The following COL4A6 variants were observed in gnomAD, a reference collection of about 807,000 sequenced individuals.
COL4A6 encodes the protein collagen alpha-6(IV) chain.
A neutral mutation model predicts 126.7 loss-of-function variants in COL4A6; 59 were observed. The ratio of observed to expected loss-of-function variants is 0.47; its 90% CI spans 0.38 to 0.58. COL4A6 has a LOEUF of 0.58. COL4A6 is among the 20% of genes least tolerant of loss of function. The pLI, the probability that COL4A6 is intolerant of heterozygous loss-of-function variation, is 0.00. For missense variants in COL4A6, 1,285 were observed against 1,337.3 expected (o/e 0.96, Z 0.61); for synonymous variants, 547 against 496.6 (o/e 1.10, Z -1.35).
rs1454475643 is a variant in COL4A6, at chrX:108,283,038, C to A, written c.144+27710G>T. Among the ~76,000 whole-genome samples, 18 of 100,616 alleles carry A rather than the reference C, an allele frequency of 1.8e-4. No homozygotes were observed. In the East Asian group the frequency reaches 4.7e-3, roughly 26 times the overall value. The allele number at this position is 100,616 out of a possible 115,157, so 87.4% of individuals were successfully genotyped here. A position where few individuals can be genotyped will look rare whatever the true frequency, so the allele number is the denominator to read the frequency against. On this transcript the variant is annotated intron_variant, in intron 3 of 44. Transcript: ENST00000334504. ...GGGAGGGATAGCTTTAGGAGATATA[C>A]CTAATGCTAAATGACGAGTTAATGG...
chrX:108,211,586 C>T, intron 7 of COL4A6, 86 bp downstream of exon 7: 1 of 854,233 alleles, frequency 1.2e-6, no homozygotes, highest in Non-Finnish European at 1.7e-6. Context: ...GATGCTAGTT[C>T]TGGAAATGTT....
chrX:108,405,481 G>C (rs1158433215), intron 2 of COL4A6, among the ~76,000 whole-genome samples: 1 of 111,250 alleles, frequency 9.0e-6, no homozygotes, highest in East Asian at 2.8e-4. Context: ...CACTGTGCCC[G>C]GCCAGAAATT....
Position 108,178,747 on chromosome X carries a change from C to A in COL4A6, c.2452G>T (p.Gly818Cys). 8.3e-7 allele frequency: 1 copy of A among 1,211,778 alleles called. No homozygotes were observed. The highest frequency in any genetic ancestry group is 3.0e-5 in the East Asian group (1 of 33,830). The change falls in exon 27 of 45, where the codon GGT becomes TGT. Residue 818 changes from glycine to cysteine, a missense_variant. Transcript: ENST00000334504. Reference protein sequence around the residue: ...VGQPGTPGSSGPYGIKGKSGL... With the variant: ...VGQPGTPGSSCPYGIKGKSGL... ...GATTTGCCCTTGATGCCATATGGAC[C>A]ACTAGATCCTGGGGTGCCTGGCTGT...
intron 3 of COL4A6, among the ~76,000 whole-genome samples, chrX:108,282,523 A>C (rs746512269): frequency 2.7e-5 from 3 of 111,600 alleles, no homozygotes; most frequent in South Asian, 7.6e-4. Flanking sequence ...ATGTGGAGAA[A>C]TACGAACAGT....
intron 3 of COL4A6, among the ~76,000 whole-genome samples, chrX:108,248,034 G>A (rs1336892414): frequency 9.0e-6 from 1 of 111,470 alleles, no homozygotes; most frequent in African/African-American, 3.3e-5. Context: ...GGGGTCTGTG[G>A]TCCCCAAAAT....
intron 37 of COL4A6, among the ~76,000 whole-genome samples, chrX:108,167,246 G>A (rs999269116): frequency 1.8e-5 from 2 of 112,179 alleles, no homozygotes; most frequent in African/African-American, 3.2e-5. Flanking sequence ...CAGCCTCTAC[G>A]TATTTAGTGC....
intron 3 of COL4A6, among the ~76,000 whole-genome samples, chrX:108,308,694 A>G (rs2045128034): frequency 8.9e-6 from 1 of 112,278 alleles, no homozygotes; most frequent in African/African-American, 3.2e-5. Flanking sequence ...AAAGATGGGC[A>G]TTTTTGTGCA....
chrX:108,161,648 G>A lies in COL4A6; in HGVS notation c.4304C>T (p.Pro1435Leu). The A allele has an allele frequency of 8.7e-7, 1 of 1,152,266 alleles. No individual in the cohort carries two copies. Among genetic ancestry groups the A allele is most frequent in the East Asian group, 3.3e-5 (1 of 30,313 alleles). 95.0% of individuals were successfully genotyped at this position (1,152,266 alleles called of 1,213,427 possible). ...PPGALGDPGL[P>L]GLQGPPGFEG... ...AAATCCTGGAGGGCCTTGCAGTCCA[G>A]GCAGACCAGGATCACCAAGAGCCCC... The change falls in exon 42 of 45, where the codon CCT (proline) becomes CTT (leucine). Residue 1435 changes from proline (P) to leucine (L), a missense_variant. Physicochemically the swap from Pro to Leu is moderately conservative, Grantham distance 98 (BLOSUM62 -3). Transcript: ENST00000334504.
chrX:108,277,181 C>T (rs958750193), intron 3 of COL4A6, among the ~76,000 whole-genome samples: 5 of 111,618 alleles, frequency 4.5e-5, no homozygotes, highest in Non-Finnish European at 7.5e-5. Context: ...CGAAGCAGGG[C>T]GAGGCATTGC....
intron 3 of COL4A6, among the ~76,000 whole-genome samples, chrX:108,223,452 C>T (rs1203000074): frequency 9.0e-6 from 1 of 111,188 alleles, no homozygotes; most frequent in Non-Finnish European, 1.9e-5. Flanking sequence ...GCAAACAGTA[C>T]AAATTTGGAA....
At chrX:108,370,511 G>T (rs762235142) in intron 2 of COL4A6, among the ~76,000 whole-genome samples, 2 of 111,815 alleles carry the variant, frequency 1.8e-5, no homozygotes, top group African/African-American at 3.2e-5. Flanking sequence ...TGTATATGCA[G>T]CACTAAGCTG....
intron 2 of COL4A6, among the ~76,000 whole-genome samples, chrX:108,368,729 T>A (rs960514517): frequency 5.4e-5 from 6 of 112,129 alleles, no homozygotes; most frequent in Non-Finnish European, 1.1e-4. Context: ...GTTTTTTTAT[T>A]GCTAAAATAT....
At chrX:108,389,311 T>C (rs1184651270) in intron 2 of COL4A6, among the ~76,000 whole-genome samples, 1 of 111,518 alleles carries the variant, frequency 9.0e-6, no homozygotes, top group African/African-American at 3.3e-5. Context: ...ATATTGACAG[T>C]GGGGTGTTAA....
intron 3 of COL4A6, among the ~76,000 whole-genome samples, chrX:108,298,692 G>C (rs947038701): frequency 6.4e-5 from 7 of 110,016 alleles, no homozygotes; most frequent in Non-Finnish European, 1.1e-4. Flanking sequence ...TGGTTAAACT[G>C]TCTGGGGTCT....
intron 2 of COL4A6, among the ~76,000 whole-genome samples, chrX:108,325,113 C>T (rs2039121361): frequency 1.8e-5 from 2 of 111,654 alleles, no homozygotes; most frequent in Non-Finnish European, 3.8e-5. Context: ...AAGTAGTCTA[C>T]TTGGTTGGTG....
intron 2 of COL4A6, 64 bp downstream of exon 2, chrX:108,437,878 A>G (rs1238482085): frequency 8.9e-7 from 1 of 1,129,258 alleles, no homozygotes; most frequent in African/African-American, 1.8e-5. Flanking sequence ...CATAAATACT[A>G]GAGATGGGGA....
intron 3 of COL4A6, among the ~76,000 whole-genome samples, chrX:108,288,051 C>T (rs972907763): frequency 4.5e-5 from 5 of 112,210 alleles, no homozygotes; most frequent in Non-Finnish European, 9.4e-5. Context: ...GCCCCTGTTG[C>T]TCCATCTTGG....
intron 13 of COL4A6, among the ~76,000 whole-genome samples, chrX:108,197,772 A>T (rs866245468): frequency 2.3e-5 from 2 of 87,252 alleles, no homozygotes; most frequent in East Asian, 3.8e-4. Context: ...TATTGGGAGG[A>T]GTGTGTGTGT....
intron 36 of COL4A6, 152 bp downstream of exon 36, chrX:108,169,793 C>G: frequency 4.8e-6 from 4 of 834,824 alleles, no homozygotes; most frequent in Non-Finnish European, 6.8e-6. Flanking sequence ...CCTCTTTCTT[C>G]TCCATATCAA....
Sources: allele counts gnomAD v4.1 joint callset (sites outside exome capture counted in the v4.1 genomes callset), GRCh38; gene constraint gnomAD v4.1.1; transcripts MANE v1.5; gene names NCBI Gene and HGNC (gene_info 2026-07-23, HGNC 2026-07-21).